The following AMOTL1 variants were observed in gnomAD, a reference collection of about 807,000 sequenced individuals.
AMOTL1 encodes the protein angiomotin like 1.
AMOTL1 carries 45 observed loss-of-function variants against 102.9 expected under a neutral mutation model. That is an observed-to-expected ratio of 0.44 (90% CI 0.34 to 0.56). The LOEUF (loss-of-function observed/expected upper bound fraction) is 0.56, where lower values mean the gene tolerates loss of function less well. Ranked by LOEUF, AMOTL1 falls within the 20% of genes least tolerant of loss-of-function variation. AMOTL1 has a pLI of 0.01. For missense variants in AMOTL1, 1,114 were observed against 1,225.6 expected (o/e 0.91, Z 1.36); for synonymous variants, 481 against 484.7 (o/e 0.99, Z 0.10).
At chr11:94,810,765 CA>C (rs1213304962) in intron 3 of AMOTL1, among the ~76,000 whole-genome samples, 1 of 147,752 alleles carries the variant, frequency 6.8e-6, no homozygotes, top group Non-Finnish European at 1.5e-5. Flanking sequence ...AGAATTCAGT[CA>C]ACTGAGAAGA....
intron 1 of AMOTL1, among the ~76,000 whole-genome samples, chr11:94,712,888 C>A (rs1016099082): frequency 6.6e-6 from 1 of 151,900 alleles, no homozygotes; most frequent in Non-Finnish European, 1.5e-5. Flanking sequence ...GCTTTTAGTG[C>A]AAAGCATAAG....
intron 5 of AMOTL1, 26 bp downstream of exon 5, chr11:94,830,220 C>T: frequency 6.4e-7 from 1 of 1,572,344 alleles, no homozygotes. Flanking sequence ...TTCTCTCTAT[C>T]TAAACTACCT....
In AMOTL1 at chr11:94,830,100, G is replaced by T. The variant is rs766789344; in HGVS notation, c.1464G>T (p.Lys488Asn). 2 of 1,610,172 alleles carry T rather than the reference G, an allele frequency of 1.2e-6. No individual in the cohort carries two copies. Among genetic ancestry groups the T allele is most frequent in the East Asian group, 4.5e-5 (2 of 44,830 alleles). Residue 488 changes from lysine to asparagine, a missense_variant, in exon 5 of 13, where the codon AAG (lysine) becomes AAT (asparagine). Physicochemically the swap from Lys to Asn is moderately conservative, Grantham distance 94. Transcript: ENST00000433060. ...CGGAAGCCTATGAAAGTCTGGTCAAGTCTACCACCAAGCGAGAATCGCTGG... is the reference window on the plus strand; with the variant it reads ...CGGAAGCCTATGAAAGTCTGGTCAATTCTACCACCAAGCGAGAATCGCTGG... Reference protein sequence around the residue: ...RISEAYESLVKSTTKRESLDK... With the variant: ...RISEAYESLVNSTTKRESLDK...
At chr11:94,835,203 G>A (rs1401024568) in intron 6 of AMOTL1, among the ~76,000 whole-genome samples, 1 of 152,178 alleles carries the variant, frequency 6.6e-6, no homozygotes, top group African/African-American at 2.4e-5. Flanking sequence ...GTAGCTTATA[G>A]GATGGTGATG....
intron 6 of AMOTL1, among the ~76,000 whole-genome samples, chr11:94,843,468 A>T (rs1309104153): frequency 6.6e-6 from 1 of 152,228 alleles, no homozygotes; most frequent in East Asian, 1.9e-4. Context: ...AAAGTAAATG[A>T]AATATCTTCC....
At chr11:94,853,605 T>C (rs765820209) in intron 7 of AMOTL1, among the ~76,000 whole-genome samples, 2 of 152,202 alleles carry the variant, frequency 1.3e-5, no homozygotes, top group Non-Finnish European at 2.9e-5. Flanking sequence ...GCAAAAACTC[T>C]TTATTTACCT....
At chr11:94,741,661 G>C (rs934444535) in intron 3 of AMOTL1, among the ~76,000 whole-genome samples, 1 of 152,054 alleles carries the variant, frequency 6.6e-6, no homozygotes, top group African/African-American at 2.4e-5. Context: ...ATGCGAATGG[G>C]CAGGATCTCT....
Position 94,876,098 on chromosome 11 carries a change from C to T in AMOTL1, c.*5303C>T, listed in dbSNP as rs1396369231. The T allele has an allele frequency of 6.6e-6, 1 of 152,590 alleles. No homozygotes were observed. The highest frequency in any genetic ancestry group is 6.5e-5 in the Admixed American group (1 of 15,278). The allele number at this position is 152,590 out of a possible 1,614,324, so 9.5% of individuals were successfully genotyped here. A position where few individuals can be genotyped will look rare whatever the true frequency, so the allele number is the denominator to read the frequency against. The stretch of plus-strand genomic sequence containing the variant: ...GTATCAGCCCCCAAAGTCTGGATGC[C>T]CGGTGTTGTGTTTACATGTGATTGT... On this transcript the variant is annotated 3_prime_UTR_variant, in exon 13 of 13. Coordinates refer to ENST00000433060, the MANE Select transcript of AMOTL1 (RefSeq NM_130847.3).
intron 3 of AMOTL1, among the ~76,000 whole-genome samples, chr11:94,751,145 G>C (rs1299302622): frequency 6.6e-6 from 1 of 152,030 alleles, no homozygotes; most frequent in African/African-American, 2.4e-5. Flanking sequence ...TCCAGCACAG[G>C]GACAGGCAGT....
At chr11:94,725,021 A>C (rs1482265957) in intron 1 of AMOTL1, among the ~76,000 whole-genome samples, 1 of 152,128 alleles carries the variant, frequency 6.6e-6, no homozygotes, top group African/African-American at 2.4e-5. Context: ...GTTTTTCTGA[A>C]TTTGTATTTT....
chr11:94,741,205 CGTGT>C (rs148548948), intron 3 of AMOTL1, among the ~76,000 whole-genome samples: 9 of 150,174 alleles, frequency 6.0e-5, no homozygotes, highest in Non-Finnish European at 1.0e-4. Context: ...ATGAGCCGTG[CGTGT>C]GTGTGTGTGT....
At chr11:94,767,542 A>G (rs144896160), upstream of AMOTL1, among the ~76,000 whole-genome samples, 12 of 152,278 alleles carry the variant, frequency 7.9e-5, no homozygotes, top group East Asian at 2.3e-3. Context: ...CAGCAACTGT[A>G]CAGTTACCTA....
rs77452590 is a variant in AMOTL1 at position 94,821,025 on chromosome 11, A to G, written c.1122-505A>G. On this transcript the variant is annotated intron_variant, in intron 3 of 12. Transcript: ENST00000433060. The stretch of plus-strand genomic sequence containing the variant: ...GTCCATGGCCCAGTGGTTGGGGACC[A>G]CCGTGCTAGCTGACACCTCCTACAT... 9.9e-3 allele frequency among the ~76,000 whole-genome samples: 1,506 copies of G among 152,258 alleles called. 24 individuals carry two copies. The highest frequency in any genetic ancestry group is 0.034 in the African/African-American group (1,413 of 41,542).
chr11:94,776,163 C>T lies in AMOTL1; in HGVS notation c.49+7603C>T, dbSNP rs1273034718. Among the ~76,000 whole-genome samples the T allele has an allele frequency of 3.3e-5, 5 of 152,218 alleles. No individual in the cohort carries two copies. In the East Asian group the frequency reaches 7.7e-4, roughly 23 times the overall value. On this transcript the variant is annotated intron_variant, in intron 1 of 12. Transcript: ENST00000433060. Reference sequence around the variant, plus strand: ...TTGTCAATGAGAGGCAGGCAGCTGGCGCTTGTTCATCTCTCCAGTGTTTGC... The same window carrying T: ...TTGTCAATGAGAGGCAGGCAGCTGGTGCTTGTTCATCTCTCCAGTGTTTGC...
At chr11:94,756,872 T>C (rs574432349) in intron 3 of AMOTL1, among the ~76,000 whole-genome samples, 4 of 152,288 alleles carry the variant, frequency 2.6e-5, no homozygotes, top group African/African-American at 9.6e-5. Flanking sequence ...TACGTGGCAT[T>C]GTGGGACCAT....
chr11:94,843,946 G>A (rs574824538), intron 6 of AMOTL1, among the ~76,000 whole-genome samples: 14 of 152,182 alleles, frequency 9.2e-5, no homozygotes, highest in East Asian at 3.9e-4. Flanking sequence ...GCTCTGGCAC[G>A]GTACATAGAG....
At chr11:94,749,736 C>T (rs1296626460) in intron 3 of AMOTL1, among the ~76,000 whole-genome samples, 8 of 152,176 alleles carry the variant, frequency 5.3e-5, no homozygotes, top group Non-Finnish European at 8.8e-5. Flanking sequence ...TGACCGCAGC[C>T]CATGGTGGTG....
rs12275157 is a variant in AMOTL1 at position 94,719,962 on chromosome 11, A to T, written c.-50-8959A>T. Among the ~76,000 whole-genome samples, 388 of 152,228 alleles carry T rather than the reference A, an allele frequency of 2.5e-3. 1 individual carries two copies. The highest frequency in any genetic ancestry group is 8.9e-3 in the African/African-American group (369 of 41,548). The stretch of plus-strand genomic sequence containing the variant: ...CAGAGTCTGAGGGAGGGCCTGGGAC[A>T]TCAGCATATTTTAGAAGTTTCCCAG... On this transcript the variant is annotated intron_variant, in intron 1 of 4. Coordinates refer to the AMOTL1 transcript ENST00000299004.
At chr11:94,770,458 G>C (rs1041517074) in intron 1 of AMOTL1, among the ~76,000 whole-genome samples, 2 of 151,288 alleles carry the variant, frequency 1.3e-5, no homozygotes, top group Admixed American at 1.3e-4. Flanking sequence ...GGTGGTGGGG[G>C]TTGGGGGGAG....
Sources: gnomAD v4.1 joint callset for allele counts (sites outside exome capture counted in the v4.1 genomes callset) on GRCh38, gnomAD v4.1.1 for gene constraint, MANE v1.5 for transcripts, NCBI Gene and HGNC (gene_info 2026-07-23, HGNC 2026-07-21) for gene names.